JMJD1C: variants seen among roughly 807,000 people sequenced by gnomAD.
JMJD1C encodes the protein jumonji domain-containing protein 1C.
Under a neutral mutation model 245.3 loss-of-function variants are expected in JMJD1C, and 31 were observed. That is an observed-to-expected ratio of 0.13 (90% confidence interval 0.09 to 0.17). The LOEUF is 0.17. Ranked by LOEUF, JMJD1C falls within the 10% of genes least tolerant of loss-of-function variation. The pLI, the probability that JMJD1C is intolerant of heterozygous loss-of-function variation, is 1.00. For missense variants in JMJD1C, 2,691 were observed against 3,000.2 expected (o/e 0.90, Z 2.41); for synonymous variants, 1,057 against 1,017.4 (o/e 1.04, Z -0.74).
intron 1 of JMJD1C, among the ~76,000 whole-genome samples, chr10:63,517,786 C>CTTTT (rs11361305): frequency 6.9e-5 from 5 of 72,540 alleles, no homozygotes; most frequent in Admixed American, 1.6e-4. Flanking sequence ...CTAATGGCCA[C>CTTTT]TTTTTTTTTT....
At chr10:63,438,988 C>T (rs1951210514) in intron 1 of JMJD1C, among the ~76,000 whole-genome samples, 1 of 152,310 alleles carries the variant, frequency 6.6e-6, no homozygotes, top group Admixed American at 6.5e-5. Context: ...GCAATTTGAT[C>T]CACTTCCTTT....
chr10:63,274,356 C>A (rs142673256), intron 2 of JMJD1C, among the ~76,000 whole-genome samples: 294 of 152,184 alleles, frequency 1.9e-3, no homozygotes, highest in African/African-American at 6.6e-3. Context: ...CTTGAGCCCA[C>A]GAGTTTAGAT....
intron 1 of JMJD1C, among the ~76,000 whole-genome samples, chr10:63,436,993 C>T (rs1951092843): frequency 6.6e-6 from 1 of 152,140 alleles, no homozygotes; most frequent in Non-Finnish European, 1.5e-5. Context: ...CTCTCATTTT[C>T]TCACTTTTTT....
rs769109147 is a variant in JMJD1C, at chr10:63,194,264, T to G, written c.5734+22A>C. 3.4e-6 allele frequency: 5 copies of G among 1,456,088 alleles called. No individual in the cohort carries two copies. The African/African-American group carries it at 7.0e-5, about 20-fold the overall frequency. 90.2% of individuals were successfully genotyped at this position (1,456,088 alleles called of 1,614,324 possible). A position where few individuals can be genotyped will look rare whatever the true frequency, so the allele number is the denominator to read the frequency against. ...CTGGAGCAACCAAGAGCAGTTATAT[T>G]ACATGAAGAAGATATACTTACCAGA... is the stretch of plus-strand genomic sequence containing the variant. On this transcript the variant is annotated intron_variant, in intron 14 of 25. Transcript: ENST00000399262.
chr10:63,398,705 G>A (rs537271419), intron 1 of JMJD1C, among the ~76,000 whole-genome samples: 4 of 151,344 alleles, frequency 2.6e-5, no homozygotes, highest in African/African-American at 9.7e-5. Context: ...GGGCAGTGGC[G>A]CAATCTCGGC....
intron 1 of JMJD1C, among the ~76,000 whole-genome samples, chr10:63,451,203 C>T (rs568396376): frequency 6.6e-6 from 1 of 152,268 alleles, no homozygotes; most frequent in South Asian, 2.1e-4. Context: ...CAGCACTACC[C>T]AAAGCCATCT....
chr10:63,197,371 A>C (rs771065364), intron 13 of JMJD1C, 40 bp downstream of exon 13: 41 of 1,540,818 alleles, frequency 2.7e-5, no homozygotes, highest in Non-Finnish European at 3.2e-5. Flanking sequence ...CTAAAGAAAA[A>C]TTATAAAAAA....
chr10:63,521,803 C>CGACGGCGGCGGCGGCTGT (rs1955257683), exon 1 of JMJD1C: 1 of 293,108 alleles, frequency 3.4e-6, no homozygotes, highest in Admixed American at 5.3e-5. Context: ...ACTGCGGCTG[C>CGACGGCGGCGGCGGCTGT]GACGGCGGCG....
chr10:63,436,868 C>A (rs750004771), intron 1 of JMJD1C, among the ~76,000 whole-genome samples: 9 of 152,098 alleles, frequency 5.9e-5, no homozygotes, highest in Admixed American at 1.3e-4. Flanking sequence ...TCAAAAATCT[C>A]GATTTCAAGC....
intron 2 of JMJD1C, among the ~76,000 whole-genome samples, chr10:63,363,988 T>C (rs1945631756): frequency 6.6e-6 from 1 of 151,918 alleles, no homozygotes; most frequent in Admixed American, 6.6e-5. Context: ...CCTGAGTAGC[T>C]GGGATTACAG....
At chr10:63,293,607 C>T (rs1859032270) in intron 2 of JMJD1C, among the ~76,000 whole-genome samples, 1 of 152,108 alleles carries the variant, frequency 6.6e-6, no homozygotes, top group African/African-American at 2.4e-5. Flanking sequence ...CACATGTGAT[C>T]TAGCTGTCTA....
intron 3 of JMJD1C, among the ~76,000 whole-genome samples, chr10:63,259,346 T>C (rs79895856): frequency 0.013 from 2,021 of 152,330 alleles, 29 homozygotes; most frequent in African/African-American, 0.034. Flanking sequence ...TTCACCTTAT[T>C]TGCATTATTC....
chr10:63,190,996 G>C lies in JMJD1C; in HGVS notation c.6189C>G (p.Gly2063=). The C allele has an allele frequency of 6.2e-7, 1 of 1,614,136 alleles. No homozygotes were observed. Among genetic ancestry groups the C allele is most frequent in the Non-Finnish European group, 8.5e-7 (1 of 1,179,984 alleles). Residue 2063 remains glycine, a synonymous_variant, in exon 17 of 26, where the codon GGC becomes GGG. Transcript: ENST00000399262. ...TAGTCAGCAAATCCCGTAAGGTTGA[G>C]CCTTGTTCATTATTCTGGGACACAA... ...SPLVSQNNEQ[G]STLRDLLTTT... is the part of the protein sequence containing the mutation.
chr10:63,229,619 A>C (rs1280919264), intron 3 of JMJD1C, among the ~76,000 whole-genome samples: 1 of 152,190 alleles, frequency 6.6e-6, no homozygotes, highest in African/African-American at 2.4e-5. Flanking sequence ...AAATATAATA[A>C]AACTCTATTT....
At chr10:63,275,815 C>A (rs1388669237) in intron 2 of JMJD1C, among the ~76,000 whole-genome samples, 1 of 152,168 alleles carries the variant, frequency 6.6e-6, no homozygotes, top group Non-Finnish European at 1.5e-5. Flanking sequence ...AGTGCACTTT[C>A]AGCCCTTTTT....
At chr10:63,375,797 C>T (rs1348208526) in intron 2 of JMJD1C, among the ~76,000 whole-genome samples, 1 of 151,944 alleles carries the variant, frequency 6.6e-6, no homozygotes, top group Non-Finnish European at 1.5e-5. Context: ...TCAAGCAATC[C>T]TCTCGCCTTA....
chr10:63,480,324 T>C (rs1234405800), intron 1 of JMJD1C, among the ~76,000 whole-genome samples: 2 of 15,836 alleles, frequency 1.3e-4, no homozygotes, highest in Non-Finnish European at 8.3e-4. Flanking sequence ...TATAGTTTGA[T>C]TTTTTTTTTT....
At position 63,234,493 on chromosome 10, in the gene JMJD1C, TAAA is replaced by T. The variant is rs71025129; in HGVS notation, c.448-14513_448-14511del. Among the ~76,000 whole-genome samples the T allele has an allele frequency of 6.8e-4, 25 of 37,036 alleles. 1 individual carries two copies. Among genetic ancestry groups the T allele is most frequent in the African/African-American group, 2.6e-3 (23 of 8,908 alleles). The allele number at this position is 37,036 out of a possible 152,430, so 24.3% of individuals were successfully genotyped here. A position where few individuals can be genotyped will look rare whatever the true frequency, so the allele number is the denominator to read the frequency against. On this transcript the variant is annotated intron_variant, in intron 3 of 25. Coordinates refer to ENST00000399262, the MANE Select transcript of JMJD1C (RefSeq NM_032776.3). ...TCATCAACAGAGAGAAACCTCCTCT[TAAA>T]AAAAAAAAAAAAAAAAAAAAAAAAA...
rs774549375 is a variant in JMJD1C, at chr10:63,465,702, G to C, written c.-40C>G. 1 of 1,600,514 alleles carries C rather than the reference G, an allele frequency of 6.2e-7. No individual in the cohort carries two copies. The highest frequency in any genetic ancestry group is 8.5e-7 in the Non-Finnish European group (1 of 1,178,136). On this transcript the variant is annotated 5_prime_UTR_variant, in exon 1 of 26. Transcript: ENST00000399262. Reference sequence around the variant, plus strand: ...AAGCGGCCGCTGCCTCCTCCAGTGCGAGGGAACCGATGAAACCTCACTCCT... The same window carrying C: ...AAGCGGCCGCTGCCTCCTCCAGTGCCAGGGAACCGATGAAACCTCACTCCT...
Sources: allele counts gnomAD v4.1 joint callset (sites outside exome capture counted in the v4.1 genomes callset), GRCh38; gene constraint gnomAD v4.1.1; transcripts MANE v1.5; gene names NCBI Gene and HGNC (gene_info 2026-07-23, HGNC 2026-07-21).